The following TEX9 variants were observed in gnomAD, a reference collection of about 807,000 sequenced individuals.
The protein encoded by TEX9 is testis-expressed protein 9.
A neutral mutation model predicts 59.6 loss-of-function variants in TEX9; 74 were observed. That is an observed-to-expected ratio of 1.24 (90% CI 1.03 to 1.51). The LOEUF (loss-of-function observed/expected upper bound fraction) is 1.51, where lower values mean the gene tolerates loss of function less well. Ranked by LOEUF, TEX9 falls within the 40% of genes most tolerant of loss-of-function variation. The pLI, the probability that TEX9 is intolerant of heterozygous loss-of-function variation, is 0.00. For synonymous variants in TEX9, 186 were observed against 152.2 expected (o/e 1.22, Z -1.64); for missense variants, 522 against 447.8 (o/e 1.17, Z -1.49).
chr15:56,327,737 G>A (rs1286461465), intron 1 of TEX9, among the ~76,000 whole-genome samples: 1 of 152,150 alleles, frequency 6.6e-6, no homozygotes, highest in Non-Finnish European at 1.5e-5. Flanking sequence ...TTGGAAACTG[G>A]TGCTGCCAAC....
intron 1 of TEX9, among the ~76,000 whole-genome samples, chr15:56,319,026 T>G (rs2045842597): frequency 6.6e-6 from 1 of 152,094 alleles, no homozygotes; most frequent in Non-Finnish European, 1.5e-5. Context: ...AGGTTTAGAA[T>G]ACAAAAGAAA....
chr15:56,270,200 T>C (rs1315939323), intron 1 of TEX9, among the ~76,000 whole-genome samples: 4 of 152,144 alleles, frequency 2.6e-5, no homozygotes, highest in Non-Finnish European at 4.4e-5. Context: ...CTGGATATCC[T>C]TGTTAACCTT....
chr15:56,426,507 C>G (rs1338054457), intron 10 of TEX9, among the ~76,000 whole-genome samples: 1 of 146,440 alleles, frequency 6.8e-6, no homozygotes, highest in African/African-American at 2.5e-5. Flanking sequence ...AAGCAAAGGC[C>G]TGGAGCTTCC....
intron 2 of TEX9, chr15:56,365,933 C>T (rs1217686749): frequency 1.9e-5 from 24 of 1,276,898 alleles, no homozygotes; most frequent in Non-Finnish European, 2.4e-5. Flanking sequence ...CCCAAGTAAA[C>T]AGCAAGATAC....
At chr15:56,287,129 G>A (rs1486831205) in intron 1 of TEX9, among the ~76,000 whole-genome samples, 7 of 152,236 alleles carry the variant, frequency 4.6e-5, no homozygotes, top group African/African-American at 1.2e-4. Context: ...GTCAATAGGA[G>A]AACTATGAAT....
chr15:56,274,280 T>C (rs1285443607), intron 1 of TEX9, among the ~76,000 whole-genome samples: 1 of 152,250 alleles, frequency 6.6e-6, no homozygotes, highest in Non-Finnish European at 1.5e-5. Flanking sequence ...GTAATCTTTA[T>C]CTGTGTTACC....
intron 1 of TEX9, among the ~76,000 whole-genome samples, chr15:56,299,308 T>A (rs2045287541): frequency 6.6e-6 from 1 of 152,192 alleles, no homozygotes; most frequent in Non-Finnish European, 1.5e-5. Flanking sequence ...GCGCAGAAAG[T>A]AGCCAGTGCC....
intron 1 of TEX9, among the ~76,000 whole-genome samples, chr15:56,252,362 T>G (rs1396704599): frequency 2.7e-5 from 4 of 149,316 alleles, no homozygotes; most frequent in African/African-American, 9.8e-5. Context: ...TTTGTTGAAT[T>G]GAGCTATTAG....
At chr15:56,353,863 A>G (rs1374214007) in intron 1 of TEX9, among the ~76,000 whole-genome samples, 1 of 152,184 alleles carries the variant, frequency 6.6e-6, no homozygotes, top group Non-Finnish European at 1.5e-5. Flanking sequence ...TAGTTCTTGT[A>G]CTTTACTATA....
chr15:56,279,648 C>A (rs531231950), intron 1 of TEX9, among the ~76,000 whole-genome samples: 1 of 152,142 alleles, frequency 6.6e-6, no homozygotes, highest in Admixed American at 6.5e-5. Flanking sequence ...AAGAGTAAGT[C>A]AAGCAAAAAT....
intron 1 of TEX9, among the ~76,000 whole-genome samples, chr15:56,296,072 C>T (rs2045210522): frequency 1.3e-5 from 2 of 152,182 alleles, no homozygotes; most frequent in Admixed American, 6.5e-5. Context: ...TACCCTGTGA[C>T]CCAATCCTAT....
Position 56,389,411 on chromosome 15 carries a change from G to C in TEX9, c.395+11G>C, listed in dbSNP as rs1450593454. 2 of 1,561,894 alleles carry C rather than the reference G, an allele frequency of 1.3e-6. No individual in the cohort carries two copies. The highest frequency in any genetic ancestry group is 2.3e-5 in the East Asian group (1 of 44,330). ...GAAAACAAATTCAAGGTATAGTATAGTTTTCAAAGTATTTCTTTTTTTTTA... is the reference window on the plus strand; with the variant it reads ...GAAAACAAATTCAAGGTATAGTATACTTTTCAAAGTATTTCTTTTTTTTTA... On this transcript the variant is annotated intron_variant, in intron 6 of 12. Transcript: ENST00000352903.
intron 1 of TEX9, among the ~76,000 whole-genome samples, chr15:56,311,988 G>A (rs1337927026): frequency 1.4e-4 from 21 of 151,140 alleles, no homozygotes; most frequent in African/African-American, 4.6e-4. Flanking sequence ...TTTTGATGGG[G>A]TTGTTTGTTT....
chr15:56,305,602 T>C (rs539068078), intron 1 of TEX9, among the ~76,000 whole-genome samples: 2 of 152,288 alleles, frequency 1.3e-5, no homozygotes, highest in South Asian at 4.1e-4. Flanking sequence ...CCCTTATCTC[T>C]TGCCATACAC....
intron 1 of TEX9, among the ~76,000 whole-genome samples, chr15:56,246,055 A>G (rs990567070): frequency 6.6e-6 from 1 of 152,184 alleles, no homozygotes; most frequent in Non-Finnish European, 1.5e-5. Flanking sequence ...CAAAGGCCTT[A>G]AGAAAAGGAA....
intron 1 of TEX9, among the ~76,000 whole-genome samples, chr15:56,319,715 T>TAG (rs1223508884): frequency 6.6e-6 from 1 of 152,098 alleles, no homozygotes. Context: ...CAGTCAAAAT[T>TAG]GGCCCTATGA....
At position 56,373,302 on chromosome 15, in the gene TEX9, G is replaced by T. The variant is rs1418213774; in HGVS notation, c.120-139G>T. 1.0e-5 allele frequency: 7 copies of T among 673,206 alleles called. No homozygotes were observed. The East Asian group carries it at 2.4e-4, about 23-fold the overall frequency. 41.7% of individuals were successfully genotyped at this position (673,206 alleles called of 1,614,324 possible). A position where few individuals can be genotyped will look rare whatever the true frequency, so the allele number is the denominator to read the frequency against. ...AGTTGAGGATAAGTTCTTAATGGCT[G>T]TGTTCATTTTAGAGTAAGAATGCCA... On this transcript the variant is annotated intron_variant, in intron 2 of 12. Coordinates refer to ENST00000352903, the Ensembl canonical transcript of TEX9.
intron 7 of TEX9, among the ~76,000 whole-genome samples, chr15:56,392,018 T>G (rs1198007690): frequency 6.6e-6 from 1 of 151,952 alleles, no homozygotes; most frequent in Admixed American, 6.6e-5. Context: ...CCTCCTATGC[T>G]ATTGAAACAA....
chr15:56,363,647 T>G (rs1281026149), upstream of TEX9, among the ~76,000 whole-genome samples: 4 of 151,928 alleles, frequency 2.6e-5, no homozygotes, highest in Non-Finnish European at 5.9e-5. Flanking sequence ...GTTGTCTTTT[T>G]TAAAAATTTT....
Sources: gnomAD v4.1 joint callset for allele counts (sites outside exome capture counted in the v4.1 genomes callset) on GRCh38, gnomAD v4.1.1 for gene constraint, MANE v1.5 for transcripts, NCBI Gene and HGNC (gene_info 2026-07-23, HGNC 2026-07-21) for gene names.